Variants in SETD4 observed in about 807,000 individuals in gnomAD.
SETD4 encodes the protein SET domain-containing protein 4.
In SETD4, 46 loss-of-function variants were observed where a neutral mutation model predicts 58.3. The ratio of observed to expected loss-of-function variants is 0.79; its 90% CI spans 0.62 to 1.01. The LOEUF (loss-of-function observed/expected upper bound fraction) is 1.01. SETD4 is among the 50% of genes least tolerant of loss of function. The pLI is 0.00. For synonymous variants in SETD4, 190 were observed against 202.6 expected, an observed-to-expected ratio of 0.94 and a Z score of 0.53; for missense variants, 490 against 523.3, an observed-to-expected ratio of 0.94 and a Z score of 0.62.
chr21:36,050,893 T>C lies in SETD4; in HGVS notation c.208-2497A>G, dbSNP rs1482075598. On this transcript the variant is annotated intron_variant, in intron 4 of 11. Transcript: ENST00000332131. ...TTACATTGTTCAACAGATGGGAGAA[T>C]GCAAAGCAACTGCTCATTAGGTGGT... 8.1e-6 allele frequency: 13 copies of C among 1,611,034 alleles called. 1 individual carries two copies. The East Asian group carries it at 2.7e-4, about 33-fold the overall frequency.
At position 36,048,325 on chromosome 21, in the gene SETD4, T is replaced by C; in HGVS notation, c.279A>G (p.Leu93=). ...LTTDTVIRSY[L]GAYITKWKPP... ...TCACTTACTTAGTAATGTATGCCCCTAAGTAGCTTCGAATCACTGTGTCCG... is the reference window on the plus strand; with the variant it reads ...TCACTTACTTAGTAATGTATGCCCCCAAGTAGCTTCGAATCACTGTGTCCG... Residue 93 remains leucine (L), a synonymous_variant, in exon 5 of 12, where the codon TTA becomes TTG. Transcript: ENST00000332131. 1.2e-6 allele frequency: 2 copies of C among 1,614,140 alleles called. No homozygotes were observed.
In SETD4 at chr21:36,048,322, C is replaced by T. The variant is rs747780234; in HGVS notation, c.282G>A (p.Gly94=). The T allele has an allele frequency of 6.2e-7, 1 of 1,613,790 alleles. No homozygotes were observed. The highest frequency in any genetic ancestry group is 1.1e-5 in the South Asian group (1 of 91,058). ...TTDTVIRSYL[G]AYITKWKPPP... ...TGGTCACTTACTTAGTAATGTATGC[C>T]CCTAAGTAGCTTCGAATCACTGTGT... The change falls in exon 5 of 12, where the codon GGG becomes GGA. Residue 94 remains glycine (G), a synonymous_variant. Coordinates refer to ENST00000332131, the MANE Select transcript of SETD4 (RefSeq NM_017438.5).
Position 36,045,686 on chromosome 21 carries a change from C to T in SETD4, c.622G>A (p.Ala208Thr). 6.2e-7 allele frequency: 1 copy of T among 1,614,212 alleles called. No homozygotes were observed. The highest frequency in any genetic ancestry group is 8.5e-7 in the Non-Finnish European group (1 of 1,180,032). ...LWAWCTVNTR[A>T]VYLRPRQREC... ...CGCTGCCTGGGCCTCAGGTACACGGCTCTGGTGTTGACGGTGCACCAAGCC... is the reference window on the plus strand; with the variant it reads ...CGCTGCCTGGGCCTCAGGTACACGGTTCTGGTGTTGACGGTGCACCAAGCC... The change falls in exon 6 of 12, where the codon GCC (alanine) becomes ACC (threonine). Residue 208 changes from alanine (A) to threonine (T), a missense_variant. Coordinates refer to ENST00000332131, the MANE Select transcript of SETD4 (RefSeq NM_017438.5).
intron 3 of SETD4, among the ~76,000 whole-genome samples, chr21:36,053,858 A>G (rs902797269): frequency 3.3e-5 from 5 of 152,140 alleles, no homozygotes; most frequent in African/African-American, 1.2e-4. Context: ...AGACCTAAAG[A>G]GCACCGTGGA....
chr21:36,056,475 G>A (rs139957946), intron 3 of SETD4, among the ~76,000 whole-genome samples: 32 of 152,312 alleles, frequency 2.1e-4, no homozygotes, highest in Admixed American at 1.9e-3. Context: ...TGTGGGAAGA[G>A]TGGAGTGGCC....
At chr21:36,056,012 C>A (rs1185610608) in intron 3 of SETD4, among the ~76,000 whole-genome samples, 1 of 152,178 alleles carries the variant, frequency 6.6e-6, no homozygotes. Context: ...TACTGACCAT[C>A]TTTGACACAC....
intron 6 of SETD4, among the ~76,000 whole-genome samples, chr21:36,044,481 T>G (rs1298720246): frequency 6.6e-6 from 1 of 152,218 alleles, no homozygotes; most frequent in African/African-American, 2.4e-5. Flanking sequence ...GGCACATAAA[T>G]GCACCAAAAG....
At chr21:36,056,821 G>C (rs956373075) in intron 3 of SETD4, among the ~76,000 whole-genome samples, 1 of 152,148 alleles carries the variant, frequency 6.6e-6, no homozygotes, top group South Asian at 2.1e-4. Flanking sequence ...GCCTCCCAAA[G>C]TGCTGGGATT....
In SETD4 at chr21:36,035,889, G is replaced by A. The variant is rs2123487622; in HGVS notation, c.*104C>T. 1.8e-6 allele frequency: 1 copy of A among 552,370 alleles called. No individual in the cohort carries two copies. The highest frequency in any genetic ancestry group is 3.2e-6 in the Non-Finnish European group (1 of 313,828). The allele number at this position is 552,370 out of a possible 1,614,324, so 34.2% of individuals were successfully genotyped here. The stretch of plus-strand genomic sequence containing the variant: ...CCCAGAACCTGTGCTGCCCCCTGCA[G>A]AAATCCTGCATGTCCTGGGGGCAGC... On this transcript the variant is annotated 3_prime_UTR_variant, in exon 12 of 12. Transcript: ENST00000332131.
At chr21:36,048,258 A>G (rs1239634070) in intron 5 of SETD4, 50 bp downstream of exon 5, 2 of 1,460,848 alleles carry the variant, frequency 1.4e-6, no homozygotes, top group African/African-American at 2.8e-5. Context: ...CCATTGACAG[A>G]CCTTAAGGAG....
At chr21:36,051,824 A>G (rs2064709047) in intron 4 of SETD4, among the ~76,000 whole-genome samples, 1 of 152,192 alleles carries the variant, frequency 6.6e-6, no homozygotes, top group Non-Finnish European at 1.5e-5. Context: ...TTTGTATTAT[A>G]CAGCTCTGAA....
Position 36,053,325 on chromosome 21 carries a change from C to G in SETD4, c.207+258G>C. ...CCAGCCATGGGACTGCCCCACCAGC[C>G]AGGGTCAGCCTACTCCAAGCTTGTT... is the stretch of plus-strand genomic sequence containing the variant. On this transcript the variant is annotated intron_variant, in intron 4 of 11. Transcript: ENST00000332131. 2 of 533,472 alleles carry G rather than the reference C, an allele frequency of 3.7e-6. 1 individual carries two copies. Among genetic ancestry groups the G allele is most frequent in the Non-Finnish European group, 6.7e-6 (2 of 299,198 alleles). 33.0% of individuals were successfully genotyped at this position (533,472 alleles called of 1,614,324 possible). A position where few individuals can be genotyped will look rare whatever the true frequency, so the allele number is the denominator to read the frequency against.
At chr21:36,049,323 G>A (rs1021467412) in intron 4 of SETD4, among the ~76,000 whole-genome samples, 1 of 152,202 alleles carries the variant, frequency 6.6e-6, no homozygotes, top group Non-Finnish European at 1.5e-5. Flanking sequence ...GGGAGGCTGA[G>A]GCAGGTGGAT....
intron 3 of SETD4, among the ~76,000 whole-genome samples, chr21:36,056,365 T>C (rs980747243): frequency 6.6e-6 from 1 of 152,140 alleles, no homozygotes; most frequent in Non-Finnish European, 1.5e-5. Context: ...ATGTAGAATT[T>C]TGGGGCCCTA....
rs191771083 is a variant in SETD4, at chr21:36,041,712, C to T, written c.983+95G>A. The T allele has an allele frequency of 9.0e-6, 7 of 781,502 alleles. No homozygotes were observed. The East Asian group carries it at 1.9e-4, about 22-fold the overall frequency. 48.4% of individuals were successfully genotyped at this position (781,502 alleles called of 1,614,324 possible). ...ACCTACCCGTCAGCTGATACAGGGT[C>T]AGGAGGGGTCTCACCCCCATGGAAA... On this transcript the variant is annotated intron_variant, in intron 8 of 11. Transcript: ENST00000332131.
intron 4 of SETD4, chr21:36,051,181 T>C: frequency 6.3e-7 from 1 of 1,599,390 alleles, no homozygotes; most frequent in Non-Finnish European, 8.6e-7. Flanking sequence ...CTCTCTGTGG[T>C]GTCCACTGCC....
intron 10 of SETD4, 146 bp from the exon 11 acceptor site, chr21:36,036,397 A>G (rs2063782746): frequency 1.2e-6 from 1 of 862,960 alleles, no homozygotes; most frequent in Non-Finnish European, 1.7e-6. Context: ...GCCACTCTCC[A>G]GCTCCAGAAC....
intron 3 of SETD4, among the ~76,000 whole-genome samples, chr21:36,054,455 C>T (rs1284342365): frequency 6.6e-6 from 1 of 152,200 alleles, no homozygotes; most frequent in Non-Finnish European, 1.5e-5. Context: ...CGTTCTTCAC[C>T]TTTCCTCTCT....
chr21:36,049,055 G>A (rs2064500567), intron 4 of SETD4, among the ~76,000 whole-genome samples: 1 of 152,184 alleles, frequency 6.6e-6, no homozygotes. Context: ...ACGCTTATGA[G>A]CTAAAGAAAG....
Sources: allele counts gnomAD v4.1 joint callset (sites outside exome capture counted in the v4.1 genomes callset), GRCh38; gene constraint gnomAD v4.1.1; transcripts MANE v1.5; gene names NCBI Gene and HGNC (gene_info 2026-07-23, HGNC 2026-07-21).